The following CCDC92 variants were observed in gnomAD, a reference collection of about 807,000 sequenced individuals.
The protein encoded by CCDC92 is coiled-coil domain containing 92, also known as coiled-coil domain-containing protein 92.
Under a neutral mutation model 24.9 loss-of-function variants are expected in CCDC92, and 12 were observed. The observed-to-expected ratio is 0.48, with a 90% CI of 0.31 to 0.78. The LOEUF (loss-of-function observed/expected upper bound fraction) is 0.78, where lower values mean the gene tolerates loss of function less well. Ranked by LOEUF, CCDC92 falls within the 30% of genes least tolerant of loss-of-function variation. The pLI is 0.05. For missense variants in CCDC92, 399 were observed against 439.4 expected, an observed-to-expected ratio of 0.91 and a Z score of 0.82; for synonymous variants, 193 against 196.3, an observed-to-expected ratio of 0.98 and a Z score of 0.14.
chr12:123,971,592 G>A (rs1387152868), intron 1 of CCDC92: 1 of 152,184 alleles, frequency 6.6e-6, no homozygotes, highest in African/African-American at 2.4e-5. Context: ...TTATAAAACC[G>A]ACTACTGCAA....
intron 3 of CCDC92, 92 bp downstream of exon 3, chr12:123,943,255 T>TG: frequency 7.2e-7 from 1 of 1,396,924 alleles, no homozygotes; most frequent in African/African-American, 1.4e-5. Context: ...TGATGGGAGC[T>TG]GGGGGCAGGG....
intron 1 of CCDC92, chr12:123,968,661 A>G (rs955227311): frequency 2.6e-5 from 4 of 152,246 alleles, no homozygotes; most frequent in African/African-American, 9.6e-5. Flanking sequence ...AATGGGTAAG[A>G]GACACAAAAG....
Position 123,951,873 on chromosome 12 carries a change from T to C in CCDC92, c.-59-7509A>G, listed in dbSNP as rs1956034520. 2.0e-5 allele frequency among the ~76,000 whole-genome samples: 3 copies of C among 152,216 alleles called. No homozygotes were observed. In the South Asian group the frequency reaches 6.2e-4, roughly 32 times the overall value. On this transcript the variant is annotated intron_variant, in intron 1 of 4. Transcript: ENST00000238156. ...TGAGGTGGTTTTCTAAGTAGATTCA[T>C]GGAGTCAGAAAACATTGAGGGTAGA...
intron 1 of CCDC92, among the ~76,000 whole-genome samples, chr12:123,949,808 G>A (rs1269015582): frequency 1.3e-5 from 2 of 152,256 alleles, no homozygotes; most frequent in African/African-American, 4.8e-5. Context: ...GCGCACTGCC[G>A]TCATTTCCTA....
At chr12:123,960,919 C>T (rs1178771069) in intron 1 of CCDC92, 2 of 152,206 alleles carry the variant, frequency 1.3e-5, no homozygotes, top group Non-Finnish European at 2.9e-5. Flanking sequence ...TTAAAGTTTA[C>T]AAGGCCTTTA....
At chr12:123,946,005 A>G (rs1955847327) in intron 1 of CCDC92, 1 of 179,268 alleles carries the variant, frequency 5.6e-6, no homozygotes, top group Non-Finnish European at 1.2e-5. Context: ...TTTCCAGTCC[A>G]TGATGATCTT....
intron 1 of CCDC92, chr12:123,971,789 T>C (rs1956547386): frequency 6.6e-6 from 1 of 152,294 alleles, no homozygotes; most frequent in South Asian, 2.1e-4. Flanking sequence ...CTCTGCTGCG[T>C]TTGTGCATTC....
chr12:123,942,664 T>C (rs1244691235), intron 4 of CCDC92, 80 bp downstream of exon 4: 2 of 1,042,424 alleles, frequency 1.9e-6, no homozygotes, highest in African/African-American at 3.1e-5. Flanking sequence ...TTCTCCTAAG[T>C]GTGTGACTAG....
At chr12:123,940,116 TC>T (rs1168313881) in intron 4 of CCDC92, among the ~76,000 whole-genome samples, 1 of 152,200 alleles carries the variant, frequency 6.6e-6, no homozygotes, top group South Asian at 2.1e-4. Context: ...AACAAGGCTG[TC>T]CCTGGGCTTT....
chr12:123,947,433 T>G (rs1955905156), intron 1 of CCDC92, among the ~76,000 whole-genome samples: 1 of 152,162 alleles, frequency 6.6e-6, no homozygotes, highest in Admixed American at 6.5e-5. Context: ...CTGAGTCTGG[T>G]GGGGACGTGG....
intron 1 of CCDC92, chr12:123,945,310 C>T (rs770889075): frequency 2.0e-5 from 3 of 152,180 alleles, no homozygotes; most frequent in African/African-American, 7.2e-5. Flanking sequence ...TTTCTGTCCC[C>T]GAAACCGTCT....
At chr12:123,970,718 T>G (rs1228832711) in intron 1 of CCDC92, among the ~76,000 whole-genome samples, 5 of 152,244 alleles carry the variant, frequency 3.3e-5, no homozygotes, top group African/African-American at 1.2e-4. Flanking sequence ...AGTTACCAAA[T>G]GTGTGCCCAC....
intron 1 of CCDC92, among the ~76,000 whole-genome samples, chr12:123,967,143 G>C (rs1411488428): frequency 6.6e-6 from 1 of 152,026 alleles, no homozygotes; most frequent in Non-Finnish European, 1.5e-5. Context: ...CAGAGGCTGA[G>C]GAGGATTACA....
intron 4 of CCDC92, among the ~76,000 whole-genome samples, 180 bp downstream of exon 4, chr12:123,942,564 C>A (rs1326126354): frequency 2.0e-5 from 3 of 152,214 alleles, no homozygotes; most frequent in African/African-American, 7.2e-5. Context: ...CCACTAATAA[C>A]CACTTGCAAC....
intron 1 of CCDC92, chr12:123,966,559 C>G (rs1367798764): frequency 6.6e-6 from 1 of 152,228 alleles, no homozygotes; most frequent in Non-Finnish European, 1.5e-5. Context: ...AACCTTCCTT[C>G]AAGGGACTCT....
At position 123,937,024 on chromosome 12, in the gene CCDC92, T is replaced by C; in HGVS notation, c.*34A>G. The C allele has an allele frequency of 1.2e-6, 2 of 1,611,460 alleles. No individual in the cohort carries two copies. The highest frequency in any genetic ancestry group is 1.1e-5 in the South Asian group (1 of 90,876). On this transcript the variant is annotated 3_prime_UTR_variant, in exon 5 of 5. Coordinates refer to ENST00000238156, the MANE Select transcript of CCDC92 (RefSeq NM_025140.3). This position sits in a 1 kb window ranked among gnomAD's most constrained non-coding sequence, Gnocchi z 8.4. ...TGAGATTTCCCAGTGGTGCTCACAG[T>C]GCATGGACAGCGCGGGGTGGGGCAC... is the stretch of plus-strand genomic sequence containing the variant.
At chr12:123,957,510 G>C (rs1186322935) in intron 1 of CCDC92, among the ~76,000 whole-genome samples, 14 of 152,132 alleles carry the variant, frequency 9.2e-5, no homozygotes, top group Non-Finnish European at 1.5e-5. Flanking sequence ...GGTGGTAACA[G>C]CAATCATGTT....
chr12:123,942,692 C>T (rs369927892), intron 4 of CCDC92, 52 bp downstream of exon 4: 10 of 1,431,372 alleles, frequency 7.0e-6, no homozygotes, highest in East Asian at 6.8e-5. Context: ...GGCACCAACA[C>T]GTACCACAAA....
At chr12:123,965,720 C>A (rs1003593342) in intron 1 of CCDC92, among the ~76,000 whole-genome samples, 4 of 152,238 alleles carry the variant, frequency 2.6e-5, no homozygotes, top group African/African-American at 9.6e-5. Flanking sequence ...CAGAGAGCCT[C>A]TTGGTAGCTC....
Sources: gnomAD v4.1 joint callset for allele counts (sites outside exome capture counted in the v4.1 genomes callset) on GRCh38, gnomAD v4.1.1 for gene constraint, Gnocchi (gnomAD v3.1) non-coding constraint, MANE v1.5 for transcripts, NCBI Gene and HGNC (gene_info 2026-07-23, HGNC 2026-07-21) for gene names.